SBNO1: variants seen among roughly 807,000 people sequenced by gnomAD.
SBNO1 encodes the protein strawberry notch homolog 1, also known as protein strawberry notch homolog 1.
A neutral mutation model predicts 173.6 loss-of-function variants in SBNO1; 23 were observed. That is an observed-to-expected ratio of 0.13 (90% CI 0.10 to 0.19). SBNO1 has a LOEUF of 0.19. Ranked by LOEUF, SBNO1 falls within the 10% of genes least tolerant of loss-of-function variation. The pLI is 1.00. For missense variants in SBNO1, 1,238 were observed against 1,671.2 expected, an observed-to-expected ratio of 0.74 and a Z score of 4.52; for synonymous variants, 632 against 571.5, an observed-to-expected ratio of 1.11 and a Z score of -1.51.
chr12:123,336,365 G>T, intron 6 of SBNO1, 30 bp downstream of exon 6: 1 of 1,318,320 alleles, frequency 7.6e-7, no homozygotes. Flanking sequence ...AAACTTTGAT[G>T]TAAATATCTG....
intron 20 of SBNO1, among the ~76,000 whole-genome samples, chr12:123,318,688 A>T (rs953778020): frequency 8.0e-5 from 12 of 150,112 alleles, no homozygotes; most frequent in African/African-American, 2.9e-4. Flanking sequence ...AGTTGAGATC[A>T]TGCCACTGCA....
At chr12:123,342,675 T>C (rs1056854385) in intron 4 of SBNO1, among the ~76,000 whole-genome samples, 1 of 152,172 alleles carries the variant, frequency 6.6e-6, no homozygotes, top group Non-Finnish European at 1.5e-5. Context: ...AATATAGCAA[T>C]AAAATCTCAG....
chr12:123,338,900 ACACACACACACGCCCCCCCCCCCCT>A (rs1872193452), intron 5 of SBNO1, among the ~76,000 whole-genome samples: 1 of 7,378 alleles, frequency 1.4e-4, no homozygotes, highest in Admixed American at 1.3e-3. Context: ...CCCGACACAC[ACACACACACACGCCCCCCCCCCCCT>A]CCCCGACTAG....
rs991162921 is a variant in SBNO1 at position 123,291,519 on chromosome 12, C to T, written c.*4389G>A. On this transcript the variant is annotated 3_prime_UTR_variant, in exon 32 of 32. Coordinates refer to ENST00000602398, the MANE Select transcript of SBNO1 (RefSeq NM_001167856.3). ...TACAATGACAGTATCAGAAATGGCA[C>T]TCAAGTGCATCCCCCCAGTACAATG... 2 of 152,234 alleles carry T rather than the reference C, an allele frequency of 1.3e-5. No individual in the cohort carries two copies. Among genetic ancestry groups the T allele is most frequent in the African/African-American group, 4.8e-5 (2 of 41,534 alleles). 9.4% of individuals were successfully genotyped at this position (152,234 alleles called of 1,614,324 possible).
At chr12:123,312,757 T>C (rs1868749583) in intron 24 of SBNO1, among the ~76,000 whole-genome samples, 1 of 150,748 alleles carries the variant, frequency 6.6e-6, no homozygotes, top group East Asian at 1.9e-4. Context: ...GAAAAAAGGC[T>C]AAGCTATGAG....
intron 28 of SBNO1, 98 bp downstream of exon 28, chr12:123,309,212 A>G: frequency 1.2e-6 from 1 of 864,934 alleles, no homozygotes; most frequent in Non-Finnish European, 1.9e-6. Context: ...ACAAAGCTAA[A>G]CACAACTGGG....
chr12:123,325,791 T>C (rs1294382304), intron 14 of SBNO1, among the ~76,000 whole-genome samples, 192 bp from the exon 15 acceptor site: 1 of 152,106 alleles, frequency 6.6e-6, no homozygotes, highest in South Asian at 2.1e-4. Flanking sequence ...AGGCAGGAGA[T>C]AGGATTACAG....
chr12:123,342,405 C>T (rs563966701), intron 4 of SBNO1, among the ~76,000 whole-genome samples: 14 of 151,882 alleles, frequency 9.2e-5, no homozygotes, highest in African/African-American at 3.4e-4. Flanking sequence ...GAGCCGAGAT[C>T]GCGCCACTGC....
chr12:123,315,991 C>G (rs1869208507), intron 21 of SBNO1, among the ~76,000 whole-genome samples: 1 of 152,158 alleles, frequency 6.6e-6, no homozygotes, highest in African/African-American at 2.4e-5. Context: ...GTTGGAAACA[C>G]ATATAGAAGT....
chr12:123,343,897 T>C (rs963661934), intron 4 of SBNO1, among the ~76,000 whole-genome samples: 4 of 152,180 alleles, frequency 2.6e-5, no homozygotes, highest in Non-Finnish European at 5.9e-5. Flanking sequence ...ACATGGATAG[T>C]CTTGCTGTGC....
At chr12:123,344,832 G>A (rs1206242749) in intron 4 of SBNO1, among the ~76,000 whole-genome samples, 1 of 152,124 alleles carries the variant, frequency 6.6e-6, no homozygotes, top group Non-Finnish European at 1.5e-5. Context: ...CTGGGTGACA[G>A]ACTGAAAATC....
At chr12:123,314,948 G>A (rs1401545923) in intron 23 of SBNO1, among the ~76,000 whole-genome samples, 7 of 150,382 alleles carry the variant, frequency 4.7e-5, no homozygotes, top group Non-Finnish European at 1.0e-4. Flanking sequence ...GCACCACGTT[G>A]GCCAGGCTGG....
chr12:123,320,747 T>C lies in SBNO1; in HGVS notation c.2443A>G (p.Ser815Gly). The C allele has an allele frequency of 6.2e-7, 1 of 1,612,464 alleles. No homozygotes were observed. Among genetic ancestry groups the C allele is most frequent in the Non-Finnish European group, 8.5e-7 (1 of 1,179,506 alleles). ...LASGLGSKRP[S>G]FSSTPVISPA... ...GAGATAACTGGTGTAGATGAAAAAC[T>C]AGGTCGTTTTGATCCAAGACCTGAT... The change falls in exon 18 of 32, where the codon AGT becomes GGT. Residue 815 changes from serine (S) to glycine (G), a missense_variant. Coordinates refer to ENST00000602398, the MANE Select transcript of SBNO1 (RefSeq NM_001167856.3).
chr12:123,310,537 T>G (rs376358890), intron 25 of SBNO1, among the ~76,000 whole-genome samples: 1 of 137,316 alleles, frequency 7.3e-6, no homozygotes, highest in Non-Finnish European at 1.6e-5. Context: ...CGACCAATTT[T>G]TTTTTATTTT....
intron 20 of SBNO1, among the ~76,000 whole-genome samples, chr12:123,319,155 G>T (rs899520782): frequency 1.3e-5 from 2 of 151,658 alleles, no homozygotes; most frequent in African/African-American, 4.8e-5. Context: ...GTAGAGATGG[G>T]GTTTCACCAC....
At position 123,309,809 on chromosome 12, in the gene SBNO1, C is replaced by T; in HGVS notation, c.3343G>A (p.Val1115Met). 1 of 1,610,252 alleles carries T rather than the reference C, an allele frequency of 6.2e-7. No individual in the cohort carries two copies. The highest frequency in any genetic ancestry group is 8.5e-7 in the Non-Finnish European group (1 of 1,177,812). ...KFLNRILGME[V>M]HQQNALFQYF... ...TGAAATAACGCATTCTGCTGATGCA[C>T]CTCCATGCCTAAAATTCTATTTAAG... The change falls in exon 26 of 32, where the codon GTG becomes ATG. Residue 1115 changes from valine (V) to methionine (M), a missense_variant. Val to Met is a conservative substitution (Grantham distance 21, BLOSUM62 1). This residue lies in a region of SBNO1 where 351 missense variants were observed against 420.3 expected (regional missense o/e 0.84). Transcript: ENST00000602398.
intron 28 of SBNO1, among the ~76,000 whole-genome samples, chr12:123,307,317 A>C (rs996513008): frequency 6.6e-6 from 1 of 152,186 alleles, no homozygotes; most frequent in Non-Finnish European, 1.5e-5. Context: ...TGGCACTCCT[A>C]AACTGAAGTA....
At chr12:123,347,057 G>A (rs1403850749) in intron 3 of SBNO1, among the ~76,000 whole-genome samples, 3 of 131,262 alleles carry the variant, frequency 2.3e-5, no homozygotes, top group African/African-American at 8.1e-5. Context: ...CAGCCTGGGC[G>A]ACAAAGCGAG....
At chr12:123,352,360 G>A (rs1873975476) in intron 1 of SBNO1, among the ~76,000 whole-genome samples, 1 of 152,190 alleles carries the variant, frequency 6.6e-6, no homozygotes, top group Non-Finnish European at 1.5e-5. Context: ...TGCCCAAGGT[G>A]GAGTACAATG....
Sources: gnomAD v4.1 joint callset for allele counts (sites outside exome capture counted in the v4.1 genomes callset) on GRCh38, gnomAD v4.1.1 for gene constraint, gnomAD v4.1.1 regional missense constraint, MANE v1.5 for transcripts, NCBI Gene and HGNC (gene_info 2026-07-23, HGNC 2026-07-21) for gene names.